The following APBA3 variants were observed in gnomAD, a reference collection of about 807,000 sequenced individuals.
APBA3 encodes the protein amyloid-beta A4 precursor protein-binding family A member 3.
Under a neutral mutation model 55.9 loss-of-function variants are expected in APBA3, and 45 were observed. That is an observed-to-expected ratio of 0.80 (90% confidence interval 0.63 to 1.03). APBA3 has a LOEUF of 1.03. Among genes scored for constraint, APBA3 ranks in the 50% least tolerant of loss-of-function variants. APBA3 has a pLI of 0.00. For missense variants in APBA3, 865 were observed against 820.3 expected (o/e 1.05, Z -0.67); for synonymous variants, 370 against 353.3 (o/e 1.05, Z -0.53).
rs776169357 is a variant in APBA3, at chr19:3,760,011, A to G, written c.254T>C (p.Ile85Thr). 5 of 1,612,132 alleles carry G rather than the reference A, an allele frequency of 3.1e-6. No individual in the cohort carries two copies. The highest frequency in any genetic ancestry group is 1.1e-5 in the South Asian group (1 of 91,012). ...GGAGGCCAGGCCATGGCCTGTGGCA[A>G]TGTGTAGGGGACAGGGGGCTCCACC... ...SPGGAPCPLH[I>T]ATGHGLASQE... The change falls in exon 2 of 11, where the codon ATT becomes ACT. Residue 85 changes from isoleucine (I) to threonine (T), a missense_variant. Ile to Thr is a moderately conservative substitution (Grantham distance 89). Transcript: ENST00000316757.
chr19:3,755,590 G>C (rs1254689985), intron 3 of APBA3: 2 of 147,510 alleles, frequency 1.4e-5, no homozygotes, highest in African/African-American at 5.0e-5. Flanking sequence ...CTGAGGTCAG[G>C]AGTTCGAGAC....
chr19:3,759,987 G>A lies in APBA3; in HGVS notation c.278C>T (p.Ser93Phe). 1 of 1,610,762 alleles carries A rather than the reference G, an allele frequency of 6.2e-7. No homozygotes were observed. Residue 93 changes from serine (S) to phenylalanine (F), a missense_variant, in exon 2 of 11, where the codon TCC (serine) becomes TTC (phenylalanine). Transcript: ENST00000316757. The stretch of plus-strand genomic sequence containing the variant: ...CCCGTGGGCATCAGCAATCTCCTGG[G>A]AGGCCAGGCCATGGCCTGTGGCAAT... ...LHIATGHGLA[S>F]QEIADAHGLL...
rs2037024424 is a variant in APBA3 at position 3,752,718 on chromosome 19, C to T, written c.1185G>A (p.Val395=). The T allele has an allele frequency of 1.2e-6, 2 of 1,601,508 alleles. No homozygotes were observed. Among genetic ancestry groups the T allele is most frequent in the Admixed American group, 1.7e-5 (1 of 59,066 alleles). Residue 395 remains valine (V), a splice_region_variant and synonymous_variant, in exon 8 of 11, where the codon GTG becomes GTA. Coordinates refer to ENST00000316757, the MANE Select transcript of APBA3 (RefSeq NM_004886.4). The part of the protein sequence containing the change: ...HFSNSDNCRE[V]HLEKRRGEGL... ...CCTCCCCTCGCCGCTTCTCGAGGTG[C>T]ACCTGGGACACACAGGGGGCGCGGA... is the stretch of plus-strand genomic sequence containing the variant.
chr19:3,760,360 A>G (rs1568396392), intron 1 of APBA3, 59 bp from the exon 2 acceptor site: 12 of 1,194,544 alleles, frequency 1.0e-5, no homozygotes, highest in Non-Finnish European at 1.0e-5. Flanking sequence ...CATGCCTGTA[A>G]TCCCAGAATT....
intron 6 of APBA3, 83 bp downstream of exon 6, chr19:3,753,682 G>A (rs1157522258): frequency 1.5e-6 from 2 of 1,312,736 alleles, no homozygotes; most frequent in East Asian, 2.6e-5. Context: ...TGGGAGGGAG[G>A]TTAAATGCAC....
intron 3 of APBA3, chr19:3,756,179 T>A (rs2037078408): frequency 6.6e-6 from 1 of 152,030 alleles, no homozygotes; most frequent in African/African-American, 2.4e-5. Context: ...AGATTTGGTA[T>A]GAAAAAAAGT....
At chr19:3,757,878 C>CA (rs2037097010) in intron 3 of APBA3, among the ~76,000 whole-genome samples, 1 of 152,208 alleles carries the variant, frequency 6.6e-6, no homozygotes, top group Non-Finnish European at 1.5e-5. Context: ...CCATGGACAA[C>CA]ACATGAATAA....
intron 8 of APBA3, 116 bp downstream of exon 8, chr19:3,752,392 A>G: frequency 1.0e-6 from 1 of 998,186 alleles, no homozygotes; most frequent in Admixed American, 2.8e-5. Flanking sequence ...AGGACTTAAA[A>G]GTTCGACTTT....
At chr19:3,759,665 C>A (rs773466547) in intron 2 of APBA3, 24 bp downstream of exon 2, 18 of 1,610,130 alleles carry the variant, frequency 1.1e-5, no homozygotes, top group Middle Eastern at 3.3e-4. Context: ...GTCCAGGATG[C>A]CTGGAGGGCG....
intron 3 of APBA3, chr19:3,755,562 G>GGTT (rs1555743081): frequency 7.5e-6 from 1 of 134,200 alleles, no homozygotes; most frequent in African/African-American, 2.7e-5. Context: ...AGGAGGCCGG[G>GGTT]GGGGGGGGGT....
rs948441789 is a variant in APBA3, at chr19:3,753,047, A to G, written c.1012-57T>C. The G allele has an allele frequency of 6.9e-6, 11 of 1,586,886 alleles. No individual in the cohort carries two copies. In the South Asian group the frequency reaches 7.9e-5, roughly 11 times the overall value. ...TCCCACCCACCTCCTCCAGGTCCCC[A>G]AAGTCCCCAGGGTCCTCAGAGCTGA... On this transcript the variant is annotated intron_variant, in intron 6 of 10. Transcript: ENST00000316757.
At chr19:3,759,092 G>A (rs1375522650) in intron 3 of APBA3, among the ~76,000 whole-genome samples, 2 of 152,032 alleles carry the variant, frequency 1.3e-5, no homozygotes, top group Admixed American at 6.6e-5. Flanking sequence ...AGCTGGGCGT[G>A]GTGGCACGCA....
intron 6 of APBA3, chr19:3,753,521 C>T (rs932082103): frequency 1.5e-5 from 7 of 475,196 alleles, no homozygotes; most frequent in South Asian, 4.2e-5. Context: ...GGTGATACCC[C>T]GGTGGTCCCA....
intron 8 of APBA3, chr19:3,751,894 C>A: frequency 3.2e-6 from 1 of 307,990 alleles, no homozygotes; most frequent in Non-Finnish European, 6.1e-6. Context: ...TCAGTTTCCC[C>A]ATCTGAGCAA....
At position 3,754,215 on chromosome 19, in the gene APBA3, C is replaced by T. The variant is rs1330977456; in HGVS notation, c.742G>A (p.Glu248Lys). The T allele has an allele frequency of 6.5e-7, 1 of 1,542,666 alleles. No homozygotes were observed. Among genetic ancestry groups the T allele is most frequent in the East Asian group, 2.4e-5 (1 of 40,830 alleles). The change falls in exon 4 of 11, where the codon GAG becomes AAG. Residue 248 changes from glutamate (E) to lysine (K), a missense_variant. Coordinates refer to ENST00000316757, the MANE Select transcript of APBA3 (RefSeq NM_004886.4). ...CTCACCTTGACGCGGTCCATGGCCT[C>T]CCGGGCCTGGGCCATGCGCGTGCTG... ...PTSTRMAQAR[E>K]AMDRVKAPDG... is the part of the protein sequence containing the mutation.
At position 3,751,448 on chromosome 19, in the gene APBA3, C is replaced by T. The variant is rs76014551; in HGVS notation, c.1501G>A (p.Val501Met). The T allele has an allele frequency of 1.8e-4, 282 of 1,541,438 alleles. 1 individual carries two copies. The African/African-American group carries it at 3.2e-3, about 18-fold the overall frequency. Residue 501 changes from valine to methionine, a missense_variant, in exon 9 of 11, where the codon GTG becomes ATG. Val to Met is a conservative substitution (Grantham distance 21). Coordinates refer to ENST00000316757, the MANE Select transcript of APBA3 (RefSeq NM_004886.4). ...CGGGGCCTCACGATGCCGTCCTCCA[C>T]GCAGAAGCCCAGCTGCTCGCGGGCG... ...PHAREQLGFC[V>M]EDGIICSLLR...
intron 8 of APBA3, chr19:3,751,802 A>G (rs1482853810): frequency 1.1e-5 from 6 of 530,822 alleles, no homozygotes; most frequent in Non-Finnish European, 2.0e-5. Context: ...CTCTCCAGGC[A>G]GGCTGCAAAC....
In APBA3 at chr19:3,750,982, G is replaced by A. The variant is rs1216810648; in HGVS notation, c.*44C>T. ...GGGCAGGCCCAGGATGGGGCTCCGGGGCCATGGAGGCGAAGGCACAGTGGC... is the reference window on the plus strand; with the variant it reads ...GGGCAGGCCCAGGATGGGGCTCCGGAGCCATGGAGGCGAAGGCACAGTGGC... On this transcript the variant is annotated 3_prime_UTR_variant, in exon 11 of 11. Transcript: ENST00000316757. The A allele has an allele frequency of 6.5e-7, 1 of 1,540,894 alleles. No homozygotes were observed. Among genetic ancestry groups the A allele is most frequent in the African/African-American group, 1.4e-5 (1 of 72,842 alleles).
chr19:3,753,078 C>G (rs1313086481), intron 6 of APBA3, 88 bp from the exon 7 acceptor site: 1 of 1,448,826 alleles, frequency 6.9e-7, no homozygotes, highest in Non-Finnish European at 9.3e-7. Context: ...GCTGAGCCCT[C>G]CTGTCCCCAC....
Sources: allele counts gnomAD v4.1 joint callset (sites outside exome capture counted in the v4.1 genomes callset), GRCh38; gene constraint gnomAD v4.1.1; transcripts MANE v1.5; gene names NCBI Gene and HGNC (gene_info 2026-07-23, HGNC 2026-07-21).